The following FBXL7 variants were observed in gnomAD, a reference collection of about 807,000 sequenced individuals.
The protein encoded by FBXL7 is F-box/LRR-repeat protein 7.
In FBXL7, 12 loss-of-function variants were observed where a neutral mutation model predicts 38.3. The ratio of observed to expected loss-of-function variants is 0.31; its 90% CI spans 0.20 to 0.51. FBXL7 has a LOEUF of 0.51. FBXL7 is among the 20% of genes least tolerant of loss of function. The pLI is 0.98. For synonymous variants in FBXL7, 297 were observed against 300.9 expected (o/e 0.99, Z 0.13); for missense variants, 567 against 676.4 (o/e 0.84, Z 1.79).
chr5:15,756,179 T>G (rs1032992085), intron 2 of FBXL7, among the ~76,000 whole-genome samples: 3 of 152,048 alleles, frequency 2.0e-5, no homozygotes, highest in African/African-American at 7.2e-5. Context: ...CTGCTCAGAC[T>G]TTTTTTTCAC....
At chr5:15,804,810 G>A (rs1447030619) in intron 2 of FBXL7, among the ~76,000 whole-genome samples, 3 of 152,172 alleles carry the variant, frequency 2.0e-5, no homozygotes, top group Non-Finnish European at 4.4e-5. Flanking sequence ...ATGATCTGAG[G>A]TGGAACTGTT....
chr5:15,516,028 A>G (rs987335576), intron 1 of FBXL7, among the ~76,000 whole-genome samples: 24 of 152,218 alleles, frequency 1.6e-4, no homozygotes, highest in African/African-American at 5.8e-4. Flanking sequence ...CTACTACTTT[A>G]GAAAACATTC....
intron 3 of FBXL7, among the ~76,000 whole-genome samples, chr5:15,934,804 A>C (rs1224774841): frequency 6.6e-6 from 1 of 152,196 alleles, no homozygotes; most frequent in Non-Finnish European, 1.5e-5. Context: ...TCATTCATTC[A>C]ACAGATACTT....
At position 15,624,015 on chromosome 5, in the gene FBXL7, T is replaced by A. The variant is rs547793944; in HGVS notation, c.127+7943T>A. ...TCATTGTCAGCGAAACTGAATTTCA[T>A]GCTAATCATTTTTCTAAGTTCCTAT... On this transcript the variant is annotated intron_variant, in intron 2 of 3. Coordinates refer to ENST00000504595, the MANE Select transcript of FBXL7 (RefSeq NM_012304.5). Among the ~76,000 whole-genome samples, 11 of 152,340 alleles carry A rather than the reference T, an allele frequency of 7.2e-5. No homozygotes were observed. The South Asian group carries it at 2.3e-3, about 32-fold the overall frequency.
At chr5:15,532,543 T>C (rs1737460750) in intron 1 of FBXL7, among the ~76,000 whole-genome samples, 1 of 152,234 alleles carries the variant, frequency 6.6e-6, no homozygotes, top group Non-Finnish European at 1.5e-5. Flanking sequence ...ACAATTTAAT[T>C]AAGGCTAGAT....
chr5:15,756,912 A>AT (rs1425995597), intron 2 of FBXL7, among the ~76,000 whole-genome samples: 1 of 152,224 alleles, frequency 6.6e-6, no homozygotes, highest in Admixed American at 6.5e-5. Flanking sequence ...TTCAAAGAAA[A>AT]TAAGTTTGGC....
chr5:15,939,068 C>T lies in FBXL7; in HGVS notation c.*1882C>T. 7.5e-6 allele frequency: 3 copies of T among 399,048 alleles called. No homozygotes were observed. In the Admixed American group the frequency reaches 1.3e-4, roughly 18 times the overall value. 24.7% of individuals were successfully genotyped at this position (399,048 alleles called of 1,614,324 possible). A position where few individuals can be genotyped will look rare whatever the true frequency, so the allele number is the denominator to read the frequency against. ...AGGCTCCTGTGCATACTGTCGTCTTCTGTGGGGGATGGAGAGGTTAGTGTG... is the reference window on the plus strand; with the variant it reads ...AGGCTCCTGTGCATACTGTCGTCTTTTGTGGGGGATGGAGAGGTTAGTGTG... On this transcript the variant is annotated 3_prime_UTR_variant, in exon 4 of 4. Transcript: ENST00000504595.
intron 2 of FBXL7, among the ~76,000 whole-genome samples, chr5:15,888,539 T>C (rs1344756684): frequency 6.6e-6 from 1 of 152,152 alleles, no homozygotes; most frequent in African/African-American, 2.4e-5. Flanking sequence ...CAAATGCTAG[T>C]ACAAATGCCT....
intron 2 of FBXL7, among the ~76,000 whole-genome samples, chr5:15,674,484 A>G (rs1579367748): frequency 6.6e-6 from 1 of 152,240 alleles, no homozygotes; most frequent in Non-Finnish European, 1.5e-5. Context: ...AGCAGATCCA[A>G]CCAGGTTGGC....
intron 1 of FBXL7, among the ~76,000 whole-genome samples, chr5:15,560,633 A>G (rs1015285774): frequency 1.1e-4 from 17 of 152,302 alleles, no homozygotes; most frequent in Non-Finnish European, 2.2e-4. Flanking sequence ...ATGAGCAATA[A>G]TAATAAAATG....
intron 1 of FBXL7, among the ~76,000 whole-genome samples, chr5:15,604,071 G>T (rs890955064): frequency 6.6e-6 from 1 of 152,138 alleles, no homozygotes; most frequent in African/African-American, 2.4e-5. Context: ...GGAAGGCAGA[G>T]GTTGCAGTAA....
intron 2 of FBXL7, among the ~76,000 whole-genome samples, chr5:15,743,479 G>A (rs1231589270): frequency 6.6e-6 from 1 of 152,210 alleles, no homozygotes; most frequent in African/African-American, 2.4e-5. Flanking sequence ...TGATGCAAGA[G>A]GTGGCTCCCA....
chr5:15,927,341 C>T (rs1013908315), intron 2 of FBXL7, among the ~76,000 whole-genome samples: 5 of 152,056 alleles, frequency 3.3e-5, no homozygotes, highest in African/African-American at 9.7e-5. Context: ...TGGTGCAGAC[C>T]ACAGGGAATT....
chr5:15,714,388 A>T (rs1333091401), intron 2 of FBXL7, among the ~76,000 whole-genome samples: 1 of 152,172 alleles, frequency 6.6e-6, no homozygotes, highest in Admixed American at 6.5e-5. Context: ...TGCTTCCAGT[A>T]CAGCCTGTAG....
chr5:15,518,937 A>C (rs575014), intron 1 of FBXL7, among the ~76,000 whole-genome samples: 3,367 of 152,258 alleles, frequency 0.022, 141 homozygotes, highest in African/African-American at 0.077. Flanking sequence ...AAACAATGAC[A>C]AATGAAACGT....
chr5:15,889,122 T>G (rs376117169), intron 2 of FBXL7, among the ~76,000 whole-genome samples: 4 of 152,124 alleles, frequency 2.6e-5, no homozygotes, highest in East Asian at 1.9e-4. Context: ...ATTCACAACC[T>G]CTCAGAGACA....
intron 2 of FBXL7, among the ~76,000 whole-genome samples, chr5:15,654,902 T>G (rs1482950715): frequency 6.6e-6 from 1 of 152,246 alleles, no homozygotes; most frequent in African/African-American, 2.4e-5. Context: ...AAACTACATG[T>G]TGAAAATTGT....
chr5:15,604,847 C>G (rs1739952816), intron 1 of FBXL7, among the ~76,000 whole-genome samples: 1 of 152,244 alleles, frequency 6.6e-6, no homozygotes, highest in South Asian at 2.1e-4. Context: ...CTGGCCTTTC[C>G]CACAGAGAAA....
intron 1 of FBXL7, among the ~76,000 whole-genome samples, chr5:15,569,416 C>G (rs531260658): frequency 1.8e-4 from 27 of 151,592 alleles, no homozygotes; most frequent in Non-Finnish European, 3.5e-4. Context: ...TATAAGAATG[C>G]TTGTGATTTT....
Sources: gnomAD v4.1 joint callset for allele counts (sites outside exome capture counted in the v4.1 genomes callset) on GRCh38, gnomAD v4.1.1 for gene constraint, MANE v1.5 for transcripts, NCBI Gene and HGNC (gene_info 2026-07-23, HGNC 2026-07-21) for gene names.